Variants in NPAS3 observed in about 807,000 individuals in gnomAD.
NPAS3 encodes neuronal PAS domain-containing protein 3.
A neutral mutation model predicts 73.1 loss-of-function variants in NPAS3; 14 were observed. The observed-to-expected ratio is 0.19, with a 90% CI of 0.13 to 0.30. NPAS3 has a LOEUF of 0.30. NPAS3 is among the 10% of genes least tolerant of loss of function. The pLI is 1.00. For synonymous variants in NPAS3, 620 were observed against 541.5 expected (o/e 1.14, Z -2.01); for missense variants, 1,096 against 1,250.0 (o/e 0.88, Z 1.86).
intron 1 of NPAS3, among the ~76,000 whole-genome samples, chr14:33,035,702 T>A (rs965699069): frequency 6.6e-6 from 1 of 152,248 alleles, no homozygotes; most frequent in African/African-American, 2.4e-5. Flanking sequence ...ATTTTGGAAC[T>A]GTCTAGTCTA....
intron 4 of NPAS3, among the ~76,000 whole-genome samples, chr14:33,530,762 A>G (rs1002018556): frequency 6.6e-6 from 1 of 151,982 alleles, no homozygotes; most frequent in African/African-American, 2.4e-5. Context: ...CCCAAAAATA[A>G]ATAAAAATAG....
At chr14:33,431,319 G>A (rs538141334) in intron 4 of NPAS3, among the ~76,000 whole-genome samples, 1 of 152,146 alleles carries the variant, frequency 6.6e-6, no homozygotes, top group Non-Finnish European at 1.5e-5. Context: ...AATACCAGGA[G>A]GTAGCTCTGA....
chr14:33,017,405 G>A (rs2039434394), intron 1 of NPAS3, among the ~76,000 whole-genome samples: 1 of 152,182 alleles, frequency 6.6e-6, no homozygotes, highest in African/African-American at 2.4e-5. Flanking sequence ...CCTGAGAAGT[G>A]ATAAATTATA....
chr14:33,797,399 C>T, intron 10 of NPAS3, 58 bp from the exon 11 acceptor site: 1 of 1,583,666 alleles, frequency 6.3e-7, no homozygotes, highest in Non-Finnish European at 8.6e-7. Flanking sequence ...AGAAGATGGT[C>T]CAAACAAACC....
chr14:32,949,828 T>C (rs1288240078), intron 1 of NPAS3, among the ~76,000 whole-genome samples: 3 of 152,018 alleles, frequency 2.0e-5, no homozygotes, highest in Non-Finnish European at 4.4e-5. Flanking sequence ...TTACTAATTA[T>C]ATCACTGTTT....
chr14:33,476,999 T>C (rs370579323), intron 4 of NPAS3, among the ~76,000 whole-genome samples: 3 of 152,178 alleles, frequency 2.0e-5, no homozygotes, highest in African/African-American at 7.2e-5. Context: ...ATTTAAATAA[T>C]TCATCTTACA....
intron 4 of NPAS3, among the ~76,000 whole-genome samples, chr14:33,383,853 C>G (rs890165712): frequency 1.3e-5 from 2 of 152,066 alleles, no homozygotes; most frequent in African/African-American, 4.8e-5. Flanking sequence ...AACTGGAAAA[C>G]CTCAGTCCTC....
At chr14:33,486,482 CAG>C (rs991391664) in intron 4 of NPAS3, among the ~76,000 whole-genome samples, 1 of 152,160 alleles carries the variant, frequency 6.6e-6, no homozygotes, top group African/African-American at 2.4e-5. Flanking sequence ...CCTGGGCTAA[CAG>C]GGGAAGGACA....
chr14:33,505,592 C>T (rs1034031122), intron 4 of NPAS3, among the ~76,000 whole-genome samples: 32 of 151,898 alleles, frequency 2.1e-4, no homozygotes, highest in African/African-American at 7.0e-4. Flanking sequence ...AAATTACTTA[C>T]CAAAAATTAA....
intron 2 of NPAS3, among the ~76,000 whole-genome samples, chr14:33,140,503 G>C (rs2044006235): frequency 6.6e-6 from 1 of 152,098 alleles, no homozygotes; most frequent in South Asian, 2.1e-4. Context: ...TTTCTTTCTA[G>C]AAGTGTTGGT....
At chr14:33,390,844 G>A (rs2138598320) in intron 4 of NPAS3, among the ~76,000 whole-genome samples, 1 of 152,002 alleles carries the variant, frequency 6.6e-6, no homozygotes, top group African/African-American at 2.4e-5. Context: ...TTATTACCAT[G>A]TTTCATTCCT....
chr14:33,110,171 G>A (rs2042845811), intron 2 of NPAS3, among the ~76,000 whole-genome samples: 1 of 151,914 alleles, frequency 6.6e-6, no homozygotes. Context: ...TAATAAATAT[G>A]TTATTATTTG....
intron 4 of NPAS3, among the ~76,000 whole-genome samples, chr14:33,510,598 G>T (rs1306388985): frequency 6.6e-6 from 1 of 151,936 alleles, no homozygotes; most frequent in Non-Finnish European, 1.5e-5. Context: ...TGTTAATAAT[G>T]CCATTGGCTG....
At chr14:33,441,273 C>CTT (rs2049235927) in intron 4 of NPAS3, among the ~76,000 whole-genome samples, 1 of 152,194 alleles carries the variant, frequency 6.6e-6, no homozygotes, top group Non-Finnish European at 1.5e-5. Flanking sequence ...TTATTAATTA[C>CTT]ATCACCTTTC....
intron 2 of NPAS3, among the ~76,000 whole-genome samples, chr14:33,080,425 G>C (rs1481982049): frequency 6.6e-6 from 1 of 152,106 alleles, no homozygotes; most frequent in African/African-American, 2.4e-5. Flanking sequence ...TTTTTTTAGG[G>C]GAATAAAGTA....
At chr14:33,676,085 C>T (rs1567116624) in intron 5 of NPAS3, 126 bp from the exon 6 acceptor site, 2 of 872,174 alleles carry the variant, frequency 2.3e-6, no homozygotes, top group Non-Finnish European at 1.8e-6. Context: ...GAAGACAGAA[C>T]CAGGATTGTT....
intron 4 of NPAS3, among the ~76,000 whole-genome samples, chr14:33,525,233 A>T (rs2053746077): frequency 6.6e-6 from 1 of 152,188 alleles, no homozygotes; most frequent in African/African-American, 2.4e-5. Context: ...AATCTCAAAG[A>T]TTATGTGATC....
At chr14:33,350,409 T>C (rs1237516091) in intron 3 of NPAS3, among the ~76,000 whole-genome samples, 2 of 152,240 alleles carry the variant, frequency 1.3e-5, no homozygotes, top group African/African-American at 4.8e-5. Context: ...AGGCCGGCAG[T>C]GTGTGCATTC....
At chr14:33,222,057 G>T (rs1382696899) in intron 3 of NPAS3, among the ~76,000 whole-genome samples, 1 of 151,984 alleles carries the variant, frequency 6.6e-6, no homozygotes, top group African/African-American at 2.4e-5. Flanking sequence ...AATATGACTG[G>T]ACAAAAAAGG....
Sources: gnomAD v4.1 joint callset for allele counts (sites outside exome capture counted in the v4.1 genomes callset) on GRCh38, gnomAD v4.1.1 for gene constraint, MANE v1.5 for transcripts, NCBI Gene and HGNC (gene_info 2026-07-23, HGNC 2026-07-21) for gene names.